The following SLCO1B3 variants were observed in gnomAD, a reference collection of about 807,000 sequenced individuals.
SLCO1B3 encodes the protein solute carrier organic anion transporter family member 1B3, also known as liver-specific organic anion transporter 2.
A neutral mutation model predicts 71.8 loss-of-function variants in SLCO1B3; 72 were observed. The ratio of observed to expected loss-of-function variants is 1.00; its 90% CI spans 0.83 to 1.22. SLCO1B3 has a LOEUF of 1.22. SLCO1B3 is among the 50% of genes most tolerant of loss of function. SLCO1B3 has a pLI of 0.00. For synonymous variants in SLCO1B3, 298 were observed against 278.4 expected, an observed-to-expected ratio of 1.07 and a Z score of -0.70; for missense variants, 911 against 819.7, an observed-to-expected ratio of 1.11 and a Z score of -1.36.
At chr12:20,903,000 G>C (rs1255725221) in intron 15 of SLCO1B3, among the ~76,000 whole-genome samples, 1 of 151,766 alleles carries the variant, frequency 6.6e-6, no homozygotes, top group Non-Finnish European at 1.5e-5. Flanking sequence ...TTGAACCTGG[G>C]AGGTGGAGGT....
At chr12:20,856,759 C>A (rs1414976566) in intron 4 of SLCO1B3, among the ~76,000 whole-genome samples, 2 of 152,122 alleles carry the variant, frequency 1.3e-5, no homozygotes, top group Non-Finnish European at 2.9e-5. Context: ...CAGGTTTTCA[C>A]CATTTGGCCA....
At chr12:20,814,601 C>G (rs779603435) in intron 2 of SLCO1B3, among the ~76,000 whole-genome samples, 1 of 152,056 alleles carries the variant, frequency 6.6e-6, no homozygotes, top group Non-Finnish European at 1.5e-5. Context: ...ATTAAAAATG[C>G]ATATTAAGGC....
chr12:20,867,319 A>C (rs1425162262), intron 8 of SLCO1B3, among the ~76,000 whole-genome samples: 1 of 152,174 alleles, frequency 6.6e-6, no homozygotes, highest in Admixed American at 6.5e-5. Context: ...AAAGCCACAA[A>C]AGCCTTCAAA....
intron 3 of SLCO1B3, among the ~76,000 whole-genome samples, chr12:20,849,188 A>C (rs12422485): frequency 0.72 from 109,550 of 151,576 alleles, 42,147 homozygotes; most frequent in South Asian, 0.88. Context: ...CTAGCCAATT[A>C]ATTCCAACAG....
chr12:20,907,600 C>T (rs1866278008), intron 15 of SLCO1B3, among the ~76,000 whole-genome samples: 1 of 151,086 alleles, frequency 6.6e-6, no homozygotes, highest in Non-Finnish European at 1.5e-5. Context: ...CCTCCGACTC[C>T]TGGGTTCAAG....
At position 20,883,569 on chromosome 12, in the gene SLCO1B3, C is replaced by T; in HGVS notation, c.1649C>T (p.Thr550Ile). 1.3e-6 allele frequency: 2 copies of T among 1,597,086 alleles called. No homozygotes were observed. The highest frequency in any genetic ancestry group is 1.7e-6 in the Non-Finnish European group (2 of 1,174,084). Reference protein sequence around the residue: ...IQVINSLFSATGGTTFILLTV... With the variant: ...IQVINSLFSAIGGTTFILLTV... ...GTCATAAACTCTTTGTTCTCTGCAA[C>T]AGGAGGTACCACATTTATCTTGTTG... The change falls in exon 13 of 16, where the codon ACA becomes ATA. Residue 550 changes from threonine to isoleucine, a missense_variant. Transcript: ENST00000381545.
chr12:20,878,389 A>G (rs1173166665), intron 10 of SLCO1B3, among the ~76,000 whole-genome samples: 1 of 152,144 alleles, frequency 6.6e-6, no homozygotes, highest in Non-Finnish European at 1.5e-5. Flanking sequence ...ATACATTACA[A>G]AATATGCATG....
intron 3 of SLCO1B3, among the ~76,000 whole-genome samples, chr12:20,832,524 A>T (rs932086778): frequency 1.3e-5 from 2 of 152,016 alleles, no homozygotes; most frequent in Non-Finnish European, 2.9e-5. Context: ...CAAAAGAAAA[A>T]GTCTCCCCTT....
chr12:20,875,186 T>A (rs1394648080), intron 8 of SLCO1B3, 49 bp from the exon 9 acceptor site: 1 of 1,604,118 alleles, frequency 6.2e-7, no homozygotes. Context: ...CAGAACCTAC[T>A]GTATTTCAAA....
intron 13 of SLCO1B3, among the ~76,000 whole-genome samples, chr12:20,885,323 C>T (rs1464911665): frequency 1.3e-5 from 2 of 152,094 alleles, no homozygotes; most frequent in Non-Finnish European, 2.9e-5. Context: ...TAGACATTTA[C>T]TCATCCAGTA....
At chr12:20,853,626 T>C (rs1470735097) in intron 3 of SLCO1B3, among the ~76,000 whole-genome samples, 3 of 152,010 alleles carry the variant, frequency 2.0e-5, no homozygotes, top group Non-Finnish European at 1.5e-5. Flanking sequence ...CTCTCTTTTT[T>C]ATTTTAGCTA....
chr12:20,907,251 C>T (rs1344669566), intron 15 of SLCO1B3, among the ~76,000 whole-genome samples: 1 of 152,188 alleles, frequency 6.6e-6, no homozygotes, highest in East Asian at 1.9e-4. Context: ...TGTAAATTCA[C>T]TGTCTAACAT....
chr12:20,833,174 A>G (rs1351364153), intron 3 of SLCO1B3, among the ~76,000 whole-genome samples: 2 of 152,100 alleles, frequency 1.3e-5, no homozygotes, highest in Non-Finnish European at 2.9e-5. Context: ...CATTTAAAGG[A>G]GCCTTGTGAT....
chr12:20,882,150 T>C (rs1050368286), intron 12 of SLCO1B3, among the ~76,000 whole-genome samples: 6 of 152,162 alleles, frequency 3.9e-5, no homozygotes, highest in Admixed American at 1.3e-4. Context: ...AGAGGTGATA[T>C]TAGTATCCTA....
At chr12:20,812,944 A>C (rs371722225) in intron 1 of SLCO1B3, among the ~76,000 whole-genome samples, 135 of 152,300 alleles carry the variant, frequency 8.9e-4, no homozygotes, top group African/African-American at 3.2e-3. Flanking sequence ...GAAGAAACAG[A>C]GATATTCGTG....
At position 20,877,864 on chromosome 12, in the gene SLCO1B3, T is replaced by G; in HGVS notation, c.1063T>G (p.Ser355Ala). The change falls in exon 10 of 16, where the codon TCT becomes GCT. Residue 355 changes from serine (S) to alanine (A), a missense_variant. Coordinates refer to ENST00000381545, the MANE Select transcript of SLCO1B3 (RefSeq NM_019844.4). Reference protein sequence around the residue: ...TLLQVSSFIGSFTYVFKYMEQ... With the variant: ...TLLQVSSFIGAFTYVFKYMEQ... Reference sequence around the variant, plus strand: ...GTTACAAGTAAGCAGCTTTATTGGTTCTTTTACTTACGTCTTTAAATATAT... The same window carrying G: ...GTTACAAGTAAGCAGCTTTATTGGTGCTTTTACTTACGTCTTTAAATATAT... 1 of 1,592,496 alleles carries G rather than the reference T, an allele frequency of 6.3e-7. No homozygotes were observed. The highest frequency in any genetic ancestry group is 1.1e-5 in the South Asian group (1 of 87,092).
intron 4 of SLCO1B3, among the ~76,000 whole-genome samples, chr12:20,856,601 G>A (rs915414745): frequency 2.0e-5 from 3 of 152,026 alleles, no homozygotes; most frequent in Admixed American, 6.6e-5. Flanking sequence ...TCCCTCTGTC[G>A]CCCATGCTCG....
At chr12:20,827,784 G>A (rs1462230186) in intron 3 of SLCO1B3, among the ~76,000 whole-genome samples, 8 of 152,094 alleles carry the variant, frequency 5.3e-5, no homozygotes, top group Admixed American at 6.5e-5. Context: ...TGGCCAGGCT[G>A]CTCTCGAACT....
chr12:20,856,993 G>A (rs1865153928), intron 4 of SLCO1B3, among the ~76,000 whole-genome samples: 1 of 152,004 alleles, frequency 6.6e-6, no homozygotes, highest in South Asian at 2.1e-4. Context: ...TGAAAACGTG[G>A]CATATTTTCT....
Sources: gnomAD v4.1 joint callset for allele counts (sites outside exome capture counted in the v4.1 genomes callset) on GRCh38, gnomAD v4.1.1 for gene constraint, MANE v1.5 for transcripts, NCBI Gene and HGNC (gene_info 2026-07-23, HGNC 2026-07-21) for gene names.